FAM76A: variants seen among roughly 807,000 people sequenced by gnomAD.
FAM76A encodes family with sequence similarity 76 member A, also known as protein FAM76A.
FAM76A carries 32 observed loss-of-function variants against 46.2 expected under a neutral mutation model. The observed-to-expected ratio is 0.69, with a 90% CI of 0.52 to 0.93. FAM76A has a LOEUF of 0.93. FAM76A is among the 40% of genes least tolerant of loss of function. The pLI is 0.00. For missense variants in FAM76A, 274 were observed against 361.5 expected, an observed-to-expected ratio of 0.76 and a Z score of 1.96; for synonymous variants, 137 against 127.0, an observed-to-expected ratio of 1.08 and a Z score of -0.53.
intron 1 of FAM76A, among the ~76,000 whole-genome samples, chr1:27,726,432 C>T (rs2087861814): frequency 6.6e-6 from 1 of 152,152 alleles, no homozygotes. Context: ...CAGCGGGTCC[C>T]CTGCTTGCCC....
chr1:27,726,919 A>G (rs540280951), intron 1 of FAM76A, among the ~76,000 whole-genome samples: 9 of 152,314 alleles, frequency 5.9e-5, no homozygotes, highest in South Asian at 4.1e-4. Context: ...CTGAAGAATA[A>G]TGTTGAGGTT....
Position 27,762,591 on chromosome 1 carries a change from A to C in FAM76A, c.*2010A>C, listed in dbSNP as rs2148591465. 6.6e-6 allele frequency: 1 copy of C among 152,212 alleles called. No individual in the cohort carries two copies. The highest frequency in any genetic ancestry group is 2.1e-4 in the South Asian group (1 of 4,820). The allele number at this position is 152,212 out of a possible 1,614,324, so 9.4% of individuals were successfully genotyped here. ...CAGTGGACCATGTCGCTTATATATC[A>C]CCCTACTAGGGGATATAATTTTCCC... On this transcript the variant is annotated 3_prime_UTR_variant, in exon 9 of 9. Transcript: ENST00000373954.
chr1:27,753,994 C>G (rs1429896935), intron 6 of FAM76A, among the ~76,000 whole-genome samples: 1 of 151,928 alleles, frequency 6.6e-6, no homozygotes, highest in African/African-American at 2.4e-5. Context: ...TTCTGACTGG[C>G]CATTGAAAGC....
intron 6 of FAM76A, among the ~76,000 whole-genome samples, chr1:27,754,099 C>CTTTTT (rs869275641): frequency 1.2e-3 from 107 of 87,494 alleles, no homozygotes; most frequent in Non-Finnish European, 1.7e-3. Flanking sequence ...ACTATCCCTT[C>CTTTTT]TTTTTTTTTT....
intron 4 of FAM76A, chr1:27,740,398 T>C: frequency 7.3e-7 from 1 of 1,376,930 alleles, no homozygotes; most frequent in African/African-American, 1.5e-5. Context: ...AGGCAGAAAT[T>C]CATGGATGAT....
chr1:27,744,574 A>G (rs1223152057), intron 4 of FAM76A, 80 bp from the exon 5 acceptor site: 19 of 1,500,580 alleles, frequency 1.3e-5, no homozygotes, highest in South Asian at 7.3e-5. Flanking sequence ...ACTGAACCCA[A>G]AGATTCTAGC....
chr1:27,739,813 A>C lies in FAM76A; in HGVS notation c.355-4841A>C, dbSNP rs2088120069. Reference sequence around the variant, plus strand: ...AAAAATGCATACTTGCTTTGAATTCATGTTAGCAATAAATAAATGATAATG... The same window carrying C: ...AAAAATGCATACTTGCTTTGAATTCCTGTTAGCAATAAATAAATGATAATG... On this transcript the variant is annotated intron_variant, in intron 4 of 8. Coordinates refer to ENST00000373954, the MANE Select transcript of FAM76A (RefSeq NM_152660.3). The C allele has an allele frequency of 1.8e-5, 3 of 168,596 alleles. No individual in the cohort carries two copies. The South Asian group carries it at 3.9e-4, about 22-fold the overall frequency. The allele number at this position is 168,596 out of a possible 1,614,324, so 10.4% of individuals were successfully genotyped here.
chr1:27,741,214 T>C (rs1277364919), intron 4 of FAM76A, among the ~76,000 whole-genome samples: 1 of 149,662 alleles, frequency 6.7e-6, no homozygotes, highest in East Asian at 1.9e-4. Context: ...TTTTTTTTTT[T>C]TGAGGCAGAG....
intron 4 of FAM76A, among the ~76,000 whole-genome samples, chr1:27,742,822 A>G (rs2088177250): frequency 6.6e-6 from 1 of 152,160 alleles, no homozygotes; most frequent in Non-Finnish European, 1.5e-5. Flanking sequence ...GCGCTTTGGG[A>G]GGCCGAGGCG....
chr1:27,749,185 A>G, intron 6 of FAM76A, 31 bp downstream of exon 6: 2 of 1,441,524 alleles, frequency 1.4e-6, no homozygotes, highest in Non-Finnish European at 1.9e-6. Flanking sequence ...GTGCGCACAC[A>G]TTTGAAATGC....
At chr1:27,747,682 C>T (rs926847483) in intron 5 of FAM76A, among the ~76,000 whole-genome samples, 3 of 151,996 alleles carry the variant, frequency 2.0e-5, no homozygotes, top group African/African-American at 7.3e-5. Context: ...TTTGGGAGGC[C>T]GAGGCAGGTG....
At chr1:27,757,694 A>G (rs1275832287) in intron 7 of FAM76A, among the ~76,000 whole-genome samples, 1 of 150,836 alleles carries the variant, frequency 6.6e-6, no homozygotes, top group Admixed American at 6.6e-5. Context: ...AAAGCCTTTG[A>G]GGCCGGGCTT....
intron 5 of FAM76A, among the ~76,000 whole-genome samples, chr1:27,748,017 G>C (rs1047712156): frequency 2.0e-5 from 3 of 151,782 alleles, no homozygotes; most frequent in African/African-American, 7.3e-5. Flanking sequence ...TATGTGTCTT[G>C]GTAGATAAGT....
Position 27,732,599 on chromosome 1 carries a change from A to G in FAM76A, c.147-4A>G. 6.2e-7 allele frequency: 1 copy of G among 1,606,064 alleles called. No homozygotes were observed. The highest frequency in any genetic ancestry group is 2.2e-5 in the East Asian group (1 of 44,776). ...AAAGCCTGTGTCTCTTTCTTCCTTA[A>G]CAGTAAAACCAATACAATATGCAAG... On this transcript the variant is annotated splice_polypyrimidine_tract_variant and splice_region_variant and intron_variant, in intron 2 of 8. Transcript: ENST00000373954.
chr1:27,748,339 T>G (rs1478014476), intron 5 of FAM76A, among the ~76,000 whole-genome samples: 1 of 151,758 alleles, frequency 6.6e-6, no homozygotes, highest in Non-Finnish European at 1.5e-5. Flanking sequence ...TTAGCCAGGA[T>G]GGTGTCGATC....
At chr1:27,732,735 A>G in intron 3 of FAM76A, 78 bp downstream of exon 3, 1 of 1,067,350 alleles carries the variant, frequency 9.4e-7, no homozygotes, top group Non-Finnish European at 1.4e-6. Context: ...TACTAATGCC[A>G]TTACAATATT....
Position 27,739,660 on chromosome 1 carries a change from C to T in FAM76A, c.355-4994C>T, listed in dbSNP as rs114626231. ...AAAATTAGCAGGATGTGGTGGTGCACGCCTGTAGTCTCGGCTACTTGGGAG... is the reference window on the plus strand; with the variant it reads ...AAAATTAGCAGGATGTGGTGGTGCATGCCTGTAGTCTCGGCTACTTGGGAG... On this transcript the variant is annotated intron_variant, in intron 4 of 8. Transcript: ENST00000373954. Among the ~76,000 whole-genome samples, 412 of 152,062 alleles carry T rather than the reference C, an allele frequency of 2.7e-3. 1 individual carries two copies. The highest frequency in any genetic ancestry group is 9.6e-3 in the African/African-American group (398 of 41,480).
In FAM76A at chr1:27,725,973, C is replaced by T. The variant is rs2087849299; in HGVS notation, c.-108C>T. Reference sequence around the variant, plus strand: ...TCCGCCCCGACCCGCCTGCGCCCGCCCGCCTGCCGCAGCCAGCAGCCTGCA... The same window carrying T: ...TCCGCCCCGACCCGCCTGCGCCCGCTCGCCTGCCGCAGCCAGCAGCCTGCA... On this transcript the variant is annotated 5_prime_UTR_variant, in exon 1 of 9. Coordinates refer to ENST00000373954, the MANE Select transcript of FAM76A (RefSeq NM_152660.3). The T allele has an allele frequency of 5.6e-6, 5 of 889,658 alleles. No individual in the cohort carries two copies. The highest frequency in any genetic ancestry group is 7.3e-6 in the Non-Finnish European group (5 of 682,460). 55.1% of individuals were successfully genotyped at this position (889,658 alleles called of 1,614,324 possible).
Position 27,731,198 on chromosome 1 carries a change from ATTTTTTTTTT to A in FAM76A, c.147-1390_147-1381del, listed in dbSNP as rs34236376. On this transcript the variant is annotated intron_variant, in intron 2 of 8. Transcript: ENST00000373954. ...GTGCTTAACTCTTAGAGAAATCAGA[ATTTTTTTTTT>A]TTTTTTTTTTTTTTCGAGACACAGT... 4.6e-5 allele frequency among the ~76,000 whole-genome samples: 5 copies of A among 109,828 alleles called. 1 individual carries two copies. In the Admixed American group the frequency reaches 4.8e-4, roughly 11 times the overall value. 72.1% of individuals were successfully genotyped at this position (109,828 alleles called of 152,430 possible).
Sources: gnomAD v4.1 joint callset for allele counts (sites outside exome capture counted in the v4.1 genomes callset) on GRCh38, gnomAD v4.1.1 for gene constraint, MANE v1.5 for transcripts, NCBI Gene and HGNC (gene_info 2026-07-23, HGNC 2026-07-21) for gene names.